Variants in FUT8 observed in about 807,000 individuals in gnomAD.
The protein encoded by FUT8 is alpha-(1,6)-fucosyltransferase.
FUT8 carries 29 observed loss-of-function variants against 71.3 expected under a neutral mutation model. The observed-to-expected ratio is 0.41, with a 90% confidence interval of 0.30 to 0.55. The LOEUF (loss-of-function observed/expected upper bound fraction) is 0.55. FUT8 is among the 20% of genes least tolerant of loss of function. FUT8 has a pLI of 0.34. For synonymous variants in FUT8, 254 were observed against 239.3 expected (o/e 1.06, Z -0.57); for missense variants, 544 against 702.1 (o/e 0.77, Z 2.55).
At chr14:65,449,556 C>T (rs571927186) in intron 1 of FUT8, among the ~76,000 whole-genome samples, 7 of 152,318 alleles carry the variant, frequency 4.6e-5, no homozygotes, top group African/African-American at 1.4e-4. Context: ...GTGCTTTTCT[C>T]TTCTGAGGCT....
the FUT8 span, among the ~76,000 whole-genome samples, chr14:65,394,023 C>G: frequency 1.3e-5 from 2 of 152,194 alleles, no homozygotes; most frequent in East Asian, 1.9e-4. Context: ...ATGGCGCAAT[C>G]TTGGATAACC....
intron 3 of FUT8, among the ~76,000 whole-genome samples, chr14:65,584,680 A>T (rs1364219515): frequency 6.6e-6 from 1 of 152,228 alleles, no homozygotes; most frequent in East Asian, 1.9e-4. Flanking sequence ...GTCAAGTTCT[A>T]ATATTTTAAT....
intron 3 of FUT8, among the ~76,000 whole-genome samples, chr14:65,605,470 G>T (rs1449539419): frequency 6.6e-6 from 1 of 151,882 alleles, no homozygotes; most frequent in East Asian, 1.9e-4. Context: ...AATCCAATGT[G>T]ATGGTGTCCT....
chr14:65,645,917 A>G (rs1199843856), intron 6 of FUT8: 4 of 152,204 alleles, frequency 2.6e-5, no homozygotes, highest in Non-Finnish European at 4.4e-5. Context: ...ATATATCTCT[A>G]AATCCAAACT....
intron 9 of FUT8, among the ~76,000 whole-genome samples, chr14:65,728,860 C>G (rs1566920466): frequency 6.6e-6 from 1 of 151,850 alleles, no homozygotes; most frequent in Non-Finnish European, 1.5e-5. Flanking sequence ...GTAAATACAC[C>G]CTATGATGTT....
At chr14:65,394,774 G>A in the FUT8 span, among the ~76,000 whole-genome samples, 222 of 130,524 alleles carry the variant, frequency 1.7e-3, 2 homozygotes, top group East Asian at 0.028. Flanking sequence ...TTTTTGAGAC[G>A]GAGTCTTGCT....
intron 9 of FUT8, among the ~76,000 whole-genome samples, chr14:65,724,842 G>A (rs1477641821): frequency 6.6e-6 from 1 of 151,946 alleles, no homozygotes; most frequent in East Asian, 1.9e-4. Context: ...GTGTTCTGAT[G>A]TCTCCACATA....
At chr14:65,490,523 C>T (rs570262483) in intron 2 of FUT8, among the ~76,000 whole-genome samples, 3 of 152,164 alleles carry the variant, frequency 2.0e-5, no homozygotes, top group East Asian at 3.9e-4. Context: ...TGACTGGAAA[C>T]ATTTACAAAA....
chr14:65,674,264 G>GT (rs1295781508), intron 7 of FUT8, among the ~76,000 whole-genome samples: 3 of 152,076 alleles, frequency 2.0e-5, no homozygotes, highest in Non-Finnish European at 4.4e-5. Flanking sequence ...TGATTTCTCT[G>GT]TTTAGGGGAT....
rs375642435 is a variant in FUT8 at position 65,717,769 on chromosome 14, C to T, written c.836-4006C>T. ...CAGACGGGGCGGCCTGGCAGAGGCA[C>T]TCCTCAGTTCCCAGACGGGGCGGCC... is the stretch of plus-strand genomic sequence containing the variant. On this transcript the variant is annotated intron_variant, in intron 7 of 10. Coordinates refer to ENST00000673929, the MANE Select transcript of FUT8 (RefSeq NM_001371533.1). Among the ~76,000 whole-genome samples, 66 of 152,042 alleles carry T rather than the reference C, an allele frequency of 4.3e-4. No individual in the cohort carries two copies. In the East Asian group the frequency reaches 7.4e-3, roughly 17 times the overall value.
chr14:65,612,268 C>T, intron 3 of FUT8, among the ~76,000 whole-genome samples: 1 of 151,958 alleles, frequency 6.6e-6, no homozygotes, highest in East Asian at 1.9e-4. Context: ...TAATTTGATC[C>T]TATTTTGTCT....
At chr14:65,455,845 A>T in intron 2 of FUT8, 127 bp downstream of exon 2, 1 of 391,962 alleles carries the variant, frequency 2.6e-6, no homozygotes, top group Non-Finnish European at 4.5e-6. Context: ...GTCAGTCTAA[A>T]CTCTGTTGAA....
intron 9 of FUT8, among the ~76,000 whole-genome samples, chr14:65,729,526 CTTTTTTT>C (rs67348217): frequency 0.38 from 54,201 of 142,194 alleles, 11,854 homozygotes; most frequent in Non-Finnish European, 0.51. Flanking sequence ...AGGATATAAA[CTTTTTTT>C]TTTTTTTTTT....
rs559312967 is a variant in FUT8, at chr14:65,613,530, C to T, written c.204-2448C>T. 7.2e-5 allele frequency among the ~76,000 whole-genome samples: 11 copies of T among 152,246 alleles called. No homozygotes were observed. In the South Asian group the frequency reaches 1.0e-3, roughly 14 times the overall value. On this transcript the variant is annotated intron_variant, in intron 3 of 10. Transcript: ENST00000673929. ...ACTACTGTATTCATTTTTTATTATT[C>T]GCTTTGTGCTTATACAAATGAAGGC...
chr14:65,626,905 G>C (rs1381363164), intron 5 of FUT8, among the ~76,000 whole-genome samples: 1 of 152,118 alleles, frequency 6.6e-6, no homozygotes, highest in African/African-American at 2.4e-5. Flanking sequence ...AAAGTGTTGA[G>C]AAGGGATGAA....
chr14:65,475,780 C>G (rs2066229169), intron 2 of FUT8, among the ~76,000 whole-genome samples: 1 of 151,864 alleles, frequency 6.6e-6, no homozygotes. Flanking sequence ...GAGACCTTGT[C>G]TTGGGGGGCA....
Position 65,495,591 on chromosome 14 carries a change from A to G in FUT8, c.-228+39873A>G, listed in dbSNP as rs554091924. Among the ~76,000 whole-genome samples, 435 of 152,284 alleles carry G rather than the reference A, an allele frequency of 2.9e-3. 3 individuals carry two copies. The highest frequency in any genetic ancestry group is 1.0e-2 in the African/African-American group (414 of 41,570). ...TATTTAATTTTTAAAAATCTTAGCT[A>G]TTTGTAGGGTTTAAAAAACTAAACA... On this transcript the variant is annotated intron_variant, in intron 2 of 10. Coordinates refer to ENST00000673929, the MANE Select transcript of FUT8 (RefSeq NM_001371533.1).
At chr14:65,424,329 T>A (rs1358458423) in intron 1 of FUT8, among the ~76,000 whole-genome samples, 2 of 152,206 alleles carry the variant, frequency 1.3e-5, no homozygotes, top group Non-Finnish European at 2.9e-5. Context: ...TATGATTTAA[T>A]ACTGCATCTT....
chr14:65,719,485 A>G (rs754399772), intron 7 of FUT8, among the ~76,000 whole-genome samples: 3 of 152,052 alleles, frequency 2.0e-5, no homozygotes, highest in South Asian at 2.1e-4. Context: ...TTTCAAGGCC[A>G]TGTTTTCCTG....
Sources: gnomAD v4.1 joint callset for allele counts (sites outside exome capture counted in the v4.1 genomes callset) on GRCh38, gnomAD v4.1.1 for gene constraint, MANE v1.5 for transcripts, NCBI Gene and HGNC (gene_info 2026-07-23, HGNC 2026-07-21) for gene names.